SCEL: variants seen among roughly 807,000 people sequenced by gnomAD.
SCEL encodes the protein sciellin.
SCEL carries 113 observed loss-of-function variants against 117.6 expected under a neutral mutation model. The observed-to-expected ratio is 0.96, with a 90% confidence interval of 0.83 to 1.12. SCEL has a LOEUF of 1.12. Among genes scored for constraint, SCEL ranks in the 50% most tolerant of loss-of-function variants. The pLI is 0.00. For missense variants in SCEL, 785 were observed against 810.8 expected, an observed-to-expected ratio of 0.97 and a Z score of 0.39; for synonymous variants, 270 against 256.2, an observed-to-expected ratio of 1.05 and a Z score of -0.51.
intron 27 of SCEL, among the ~76,000 whole-genome samples, chr13:77,624,798 G>A (rs2089643308): frequency 6.6e-6 from 1 of 152,190 alleles, no homozygotes; most frequent in African/African-American, 2.4e-5. Flanking sequence ...GATATAGACA[G>A]ACCAGACAAT....
chr13:77,548,728 G>A (rs1406258345), intron 1 of SCEL, among the ~76,000 whole-genome samples: 1 of 152,122 alleles, frequency 6.6e-6, no homozygotes, highest in Non-Finnish European at 1.5e-5. Flanking sequence ...GGATCTGATG[G>A]CTTTATGAAG....
chr13:77,617,761 C>T, intron 25 of SCEL, 42 bp from the exon 26 acceptor site: 1 of 1,547,016 alleles, frequency 6.5e-7, no homozygotes, highest in Non-Finnish European at 8.9e-7. Flanking sequence ...ACCAAAAGAA[C>T]TTCAAAATTA....
rs761408834 is a variant in SCEL, at chr13:77,617,825, A to G, written c.1534A>G (p.Ile512Val). ...AAGAAACCAAGATCTTGCTAACCTC[A>G]TCAAAGTAAATCCTGCAGTAATCAG... ...NQRNQDLANL[I>V]KVNPAVIRNN... Residue 512 changes from isoleucine (I) to valine (V), a missense_variant, in exon 26 of 33, where the codon ATC becomes GTC. Transcript: ENST00000349847. The G allele has an allele frequency of 2.0e-5, 32 of 1,611,500 alleles. No individual in the cohort carries two copies. The highest frequency in any genetic ancestry group is 2.5e-5 in the Non-Finnish European group (29 of 1,178,532).
In SCEL at chr13:77,593,583, C is replaced by G. The variant is rs891156892; in HGVS notation, c.752+10C>G. On this transcript the variant is annotated intron_variant, in intron 12 of 32. Coordinates refer to ENST00000349847, the MANE Select transcript of SCEL (RefSeq NM_144777.3). ...AGAGAAGTGACAAAGGGTGAGATCT[C>G]AGAGCTTTTGAGCTTGGGTTTTATC... The G allele has an allele frequency of 6.2e-7, 1 of 1,609,354 alleles. No homozygotes were observed. The highest frequency in any genetic ancestry group is 8.5e-7 in the Non-Finnish European group (1 of 1,176,674).
At chr13:77,632,691 A>G (rs1701109668) in intron 28 of SCEL, among the ~76,000 whole-genome samples, 1 of 152,232 alleles carries the variant, frequency 6.6e-6, no homozygotes, top group African/African-American at 2.4e-5. Context: ...GTTTACTAAC[A>G]TGGAGGAGGA....
chr13:77,556,077 C>T (rs1412890494), intron 2 of SCEL, among the ~76,000 whole-genome samples, 159 bp downstream of exon 2: 4 of 152,118 alleles, frequency 2.6e-5, no homozygotes, highest in Admixed American at 1.3e-4. Flanking sequence ...ATACTTGTCG[C>T]AGCTTTTAGT....
In SCEL at chr13:77,541,399, G is replaced by A. The variant is rs563344377; in HGVS notation, c.-20+5575G>A. On this transcript the variant is annotated intron_variant, in intron 1 of 32. Transcript: ENST00000349847. The stretch of plus-strand genomic sequence containing the variant: ...GCTGGTGGATGATAAACTACTATAA[G>A]ATTTACGGAAAGAAACTCGACAATA... Among the ~76,000 whole-genome samples the A allele has an allele frequency of 6.1e-4, 93 of 152,242 alleles. No individual in the cohort carries two copies. In the Middle Eastern group the frequency reaches 0.01, roughly 17 times the overall value.
chr13:77,574,183 G>T (rs533194760), intron 9 of SCEL, among the ~76,000 whole-genome samples: 1 of 152,318 alleles, frequency 6.6e-6, no homozygotes, highest in East Asian at 1.9e-4. Flanking sequence ...AACATGGAAA[G>T]ATTATTCATG....
intron 30 of SCEL, among the ~76,000 whole-genome samples, chr13:77,638,417 T>A (rs2090406328): frequency 6.6e-6 from 1 of 152,216 alleles, no homozygotes; most frequent in African/African-American, 2.4e-5. Flanking sequence ...TTCAAAAAGA[T>A]CTTTGACTAA....
intron 11 of SCEL, among the ~76,000 whole-genome samples, chr13:77,593,296 G>A (rs866308258): frequency 1.9e-5 from 1 of 53,630 alleles, no homozygotes; most frequent in Non-Finnish European, 3.1e-5. Flanking sequence ...GTGTGTGTGT[G>A]TCTGTGTGTG....
chr13:77,615,069 G>A (rs137885561), intron 24 of SCEL, among the ~76,000 whole-genome samples: 4 of 152,080 alleles, frequency 2.6e-5, no homozygotes, highest in African/African-American at 9.7e-5. Flanking sequence ...CTCATGTACT[G>A]CTTGCTGAAT....
intron 1 of SCEL, among the ~76,000 whole-genome samples, chr13:77,536,037 G>A (rs897398729): frequency 2.0e-5 from 3 of 151,814 alleles, no homozygotes; most frequent in Non-Finnish European, 2.9e-5. Context: ...AATTTTACAC[G>A]TTATGGGCAT....
intron 9 of SCEL, among the ~76,000 whole-genome samples, chr13:77,585,204 G>A (rs2086492939): frequency 6.6e-6 from 1 of 152,212 alleles, no homozygotes; most frequent in Non-Finnish European, 1.5e-5. Context: ...TCAGTTCAGT[G>A]TGGGAACAGA....
At chr13:77,590,286 A>G (rs550299312) in intron 10 of SCEL, among the ~76,000 whole-genome samples, 3 of 152,084 alleles carry the variant, frequency 2.0e-5, no homozygotes, top group Non-Finnish European at 4.4e-5. Context: ...GATCTTTGAA[A>G]TTTTGTCCAT....
At chr13:77,616,049 T>A (rs1413024882) in intron 24 of SCEL, among the ~76,000 whole-genome samples, 3 of 150,620 alleles carry the variant, frequency 2.0e-5, no homozygotes, top group African/African-American at 7.3e-5. Flanking sequence ...TGTGTGTGGC[T>A]GTCTGTAAAA....
rs531915252 is a variant in SCEL, at chr13:77,597,587, T to C, written c.795T>C (p.Asn265=). The change falls in exon 13 of 33, where the codon AAT becomes AAC. Residue 265 remains asparagine (N), a splice_region_variant and synonymous_variant. Transcript: ENST00000349847. ...DNLIKMNKSL[N]RNQGLDSLFR... Reference sequence around the variant, plus strand: ...TCATCAAAATGAACAAAAGCTTGAATAGGTAAGATTTTTAAATGTTTATCT... The same window carrying C: ...TCATCAAAATGAACAAAAGCTTGAACAGGTAAGATTTTTAAATGTTTATCT... 7 of 1,451,616 alleles carry C rather than the reference T, an allele frequency of 4.8e-6. No individual in the cohort carries two copies. In the South Asian group the frequency reaches 8.8e-5, roughly 18 times the overall value. 89.9% of individuals were successfully genotyped at this position (1,451,616 alleles called of 1,614,324 possible).
intron 1 of SCEL, among the ~76,000 whole-genome samples, chr13:77,545,825 T>C (rs957381807): frequency 1.7e-4 from 26 of 152,256 alleles, no homozygotes; most frequent in African/African-American, 6.3e-4. Context: ...GCAGACTTTC[T>C]CTGGCTTGGG....
chr13:77,636,308 T>A, intron 29 of SCEL, among the ~76,000 whole-genome samples: 1 of 152,214 alleles, frequency 6.6e-6, no homozygotes, highest in East Asian at 1.9e-4. Context: ...GTGCAAATTT[T>A]TTTGTAGCAT....
At chr13:77,611,253 G>A (rs560654123) in intron 22 of SCEL, among the ~76,000 whole-genome samples, 101 of 152,272 alleles carry the variant, frequency 6.6e-4, no homozygotes, top group Middle Eastern at 3.4e-3. Context: ...GCATGGCTGC[G>A]TTTCAATAAA....
Sources: allele counts gnomAD v4.1 joint callset (sites outside exome capture counted in the v4.1 genomes callset), GRCh38; gene constraint gnomAD v4.1.1; transcripts MANE v1.5; gene names NCBI Gene and HGNC (gene_info 2026-07-23, HGNC 2026-07-21).